Variants in USP32 observed in about 807,000 individuals in gnomAD.
USP32 encodes the protein ubiquitin carboxyl-terminal hydrolase 32.
A neutral mutation model predicts 204.8 loss-of-function variants in USP32; 59 were observed. The ratio of observed to expected loss-of-function variants is 0.29; its 90% confidence interval spans 0.23 to 0.36. The LOEUF (loss-of-function observed/expected upper bound fraction) is 0.36. USP32 is among the 10% of genes least tolerant of loss of function. The probability of loss-of-function intolerance (pLI) is 1.00; values close to 1 mark genes in which losing one functional copy is unlikely to be tolerated. For missense variants in USP32, 1,160 were observed against 1,946.4 expected (o/e 0.60, Z 7.60); for synonymous variants, 517 against 678.4 (o/e 0.76, Z 3.70).
intron 2 of USP32, among the ~76,000 whole-genome samples, chr17:60,339,510 G>C (rs562719106): frequency 6.6e-6 from 1 of 150,946 alleles, no homozygotes; most frequent in Non-Finnish European, 1.5e-5. Context: ...TTGAAACTGG[G>C]AGGCGGAGTT....
At chr17:60,311,126 A>T (rs1037682012) in intron 2 of USP32, among the ~76,000 whole-genome samples, 38 of 152,224 alleles carry the variant, frequency 2.5e-4, no homozygotes, top group African/African-American at 8.7e-4. Context: ...CAAAATAACT[A>T]GAAAAAATTA....
chr17:60,197,794 G>A lies in USP32; in HGVS notation c.3434+466C>T, dbSNP rs5004751. On this transcript the variant is annotated intron_variant, in intron 27 of 33. Coordinates refer to ENST00000300896, the MANE Select transcript of USP32 (RefSeq NM_032582.4). ...ATCTAGATTTATGAAATTACTTCAC[G>A]TTAAAATGACATGGTAAGGGAAAAA... 3.6e-3 allele frequency among the ~76,000 whole-genome samples: 554 copies of A among 152,206 alleles called. 3 individuals carry two copies. The highest frequency in any genetic ancestry group is 0.01 in the Admixed American group (156 of 15,298).
intron 1 of USP32, among the ~76,000 whole-genome samples, chr17:60,411,472 C>T (rs1256458306): frequency 7.1e-6 from 1 of 140,328 alleles, no homozygotes; most frequent in African/African-American, 2.7e-5. Context: ...GTGATTGTAC[C>T]ATTACACTCT....
chr17:60,196,499 AAAAT>A (rs2084521814), intron 27 of USP32, among the ~76,000 whole-genome samples: 1 of 152,344 alleles, frequency 6.6e-6, no homozygotes, highest in East Asian at 1.9e-4. Flanking sequence ...TTTAAATCTT[AAAAT>A]AAATACTTTA....
chr17:60,393,052 G>A (rs192678203), upstream of USP32, among the ~76,000 whole-genome samples: 37 of 151,912 alleles, frequency 2.4e-4, no homozygotes, highest in African/African-American at 8.7e-4. Context: ...TGCATCCATT[G>A]CCACGTCCCA....
At chr17:60,222,333 G>A (rs2085273427) in intron 15 of USP32, 76 bp downstream of exon 15, 1 of 1,521,124 alleles carries the variant, frequency 6.6e-7, no homozygotes, top group East Asian at 2.3e-5. Flanking sequence ...TGGTTAGTGA[G>A]AGTCACATAG....
intron 2 of USP32, among the ~76,000 whole-genome samples, chr17:60,315,332 A>C (rs1035424906): frequency 2.6e-5 from 4 of 152,138 alleles, no homozygotes; most frequent in African/African-American, 7.2e-5. Flanking sequence ...CCCGGAAGGC[A>C]GAGGTTGCAG....
intron 29 of USP32, among the ~76,000 whole-genome samples, chr17:60,190,030 G>T (rs975658921): frequency 6.6e-6 from 1 of 152,204 alleles, no homozygotes; most frequent in East Asian, 1.9e-4. Context: ...GGCCTAGCAG[G>T]AGGTGTTTGG....
At chr17:60,214,361 C>G (rs1407522905) in intron 17 of USP32, among the ~76,000 whole-genome samples, 2 of 151,928 alleles carry the variant, frequency 1.3e-5, no homozygotes, top group Non-Finnish European at 2.9e-5. Context: ...ATCTCAGAGA[C>G]AAATATTACA....
chr17:60,247,531 G>A (rs1341896858), intron 11 of USP32, among the ~76,000 whole-genome samples: 1 of 152,068 alleles, frequency 6.6e-6, no homozygotes, highest in Non-Finnish European at 1.5e-5. Context: ...ATTGGGAACT[G>A]GTTTCATTCT....
chr17:60,390,336 G>A (rs1247829772), intron 1 of USP32, among the ~76,000 whole-genome samples: 1 of 152,186 alleles, frequency 6.6e-6, no homozygotes, highest in Non-Finnish European at 1.5e-5. Context: ...CTGTAAATCA[G>A]TTTGACTAAT....
intron 1 of USP32, 35 bp from the exon 2 acceptor site, chr17:60,345,643 A>T: frequency 6.2e-7 from 1 of 1,612,886 alleles, no homozygotes. Flanking sequence ...GTAAGAAATC[A>T]GGAGAGAAAA....
intron 1 of USP32, among the ~76,000 whole-genome samples, chr17:60,363,454 CA>C (rs148426945): frequency 0.02 from 656 of 32,872 alleles, 1 homozygote; most frequent in Non-Finnish European, 0.023. Flanking sequence ...GACTCTGTCT[CA>C]AAAAAAAAAA....
intron 16 of USP32, among the ~76,000 whole-genome samples, chr17:60,218,312 A>T (rs2085156723): frequency 1.3e-5 from 2 of 152,100 alleles, no homozygotes. Flanking sequence ...TGAACCTGGG[A>T]GGCGGAGCTT....
At chr17:60,413,819 C>G (rs903751353) in intron 1 of USP32, among the ~76,000 whole-genome samples, 1 of 142,398 alleles carries the variant, frequency 7.0e-6, no homozygotes, top group African/African-American at 2.7e-5. Flanking sequence ...GAGCTGAGAT[C>G]GCACCGCTGC....
At chr17:60,274,720 G>A (rs534017726) in intron 5 of USP32, among the ~76,000 whole-genome samples, 6 of 152,044 alleles carry the variant, frequency 3.9e-5, no homozygotes, top group African/African-American at 1.2e-4. Context: ...CAAATGAAGT[G>A]TTTTAGCAGA....
intron 5 of USP32, among the ~76,000 whole-genome samples, chr17:60,274,487 TA>T (rs1254630236): frequency 1.3e-5 from 2 of 151,964 alleles, no homozygotes; most frequent in Non-Finnish European, 2.9e-5. Context: ...AGGCAAGTCA[TA>T]ATCAAACTGG....
intron 21 of USP32, among the ~76,000 whole-genome samples, chr17:60,210,322 T>TC (rs2084928605): frequency 1.3e-5 from 2 of 152,022 alleles, no homozygotes; most frequent in African/African-American, 2.4e-5. Context: ...TTTTTTTTTT[T>TC]CTTTTTGGAG....
intron 2 of USP32, among the ~76,000 whole-genome samples, chr17:60,318,512 A>C (rs563285007): frequency 6.6e-6 from 1 of 152,274 alleles, no homozygotes; most frequent in African/African-American, 2.4e-5. Flanking sequence ...AAACAGCTGA[A>C]CTCTACCTCC....
Sources: allele counts gnomAD v4.1 joint callset (sites outside exome capture counted in the v4.1 genomes callset), GRCh38; gene constraint gnomAD v4.1.1; transcripts MANE v1.5; gene names NCBI Gene and HGNC (gene_info 2026-07-23, HGNC 2026-07-21).